Variants in MSRB3 observed in about 807,000 individuals in gnomAD.
The protein encoded by MSRB3 is methionine sulfoxide reductase B3, also known as methionine-R-sulfoxide reductase B3.
A neutral mutation model predicts 21.0 loss-of-function variants in MSRB3; 13 were observed. The observed-to-expected ratio is 0.62, with a 90% confidence interval of 0.40 to 0.98. MSRB3 has a LOEUF of 0.98. Among genes scored for constraint, MSRB3 ranks in the 50% least tolerant of loss-of-function variants. The probability of loss-of-function intolerance (pLI) is 0.00; values close to 1 mark genes in which losing one functional copy is unlikely to be tolerated. For synonymous variants in MSRB3, 87 were observed against 88.6 expected (o/e 0.98, Z 0.10); for missense variants, 199 against 230.3 (o/e 0.86, Z 0.88).
At position 65,319,595 on chromosome 12, in the gene MSRB3, T is replaced by C. The variant is rs1302886286; in HGVS notation, c.77-7231T>C. On this transcript the variant is annotated intron_variant, in intron 2 of 6. Coordinates refer to ENST00000308259, the MANE Select transcript of MSRB3 (RefSeq NM_001031679.3). ...TTTTCTTATCTTTCCTGCTAAAATA[T>C]GTGTTCTCCTAGAGCAGGAACACTA... Among the ~76,000 whole-genome samples, 3 of 152,318 alleles carry C rather than the reference T, an allele frequency of 2.0e-5. No individual in the cohort carries two copies. The East Asian group carries it at 5.8e-4, about 29-fold the overall frequency.
intron 4 of MSRB3, among the ~76,000 whole-genome samples, chr12:65,367,766 G>A (rs140354036): frequency 1.5e-4 from 23 of 152,304 alleles, no homozygotes; most frequent in Middle Eastern, 3.4e-3. Flanking sequence ...CAAAGGTTGA[G>A]ATGAGGACTA....
intron 4 of MSRB3, among the ~76,000 whole-genome samples, chr12:65,364,462 A>T (rs1877891108): frequency 6.6e-6 from 1 of 152,178 alleles, no homozygotes; most frequent in South Asian, 2.1e-4. Context: ...AATTTGGGGT[A>T]AAATGGGTGT....
intron 5 of MSRB3, among the ~76,000 whole-genome samples, chr12:65,450,911 T>C (rs1882827736): frequency 6.6e-6 from 1 of 152,254 alleles, no homozygotes; most frequent in Non-Finnish European, 1.5e-5. Flanking sequence ...CTGTGGCTTC[T>C]CTGCCATAAG....
intron 5 of MSRB3, among the ~76,000 whole-genome samples, chr12:65,373,997 A>T (rs2136543233): frequency 2.6e-5 from 4 of 152,320 alleles, no homozygotes; most frequent in Middle Eastern, 6.8e-3. Context: ...AGTTGAAGGG[A>T]AATGAGGAAT....
chr12:65,447,061 T>A (rs573516503), intron 5 of MSRB3, among the ~76,000 whole-genome samples: 110 of 152,336 alleles, frequency 7.2e-4, no homozygotes, highest in African/African-American at 2.5e-3. Context: ...GGTGTTGATA[T>A]TCCAGAGTAA....
chr12:65,456,049 T>A (rs1883076661), intron 6 of MSRB3, among the ~76,000 whole-genome samples: 1 of 152,236 alleles, frequency 6.6e-6, no homozygotes, highest in Non-Finnish European at 1.5e-5. Flanking sequence ...CAATTTAGTT[T>A]TAAATTCAAT....
chr12:65,368,255 T>C (rs939873137), intron 4 of MSRB3, among the ~76,000 whole-genome samples: 3 of 152,206 alleles, frequency 2.0e-5, no homozygotes, highest in Non-Finnish European at 4.4e-5. Context: ...TGTGAACATA[T>C]ATACTATTGA....
chr12:65,351,941 G>C (rs1282583534), intron 4 of MSRB3, among the ~76,000 whole-genome samples: 3 of 152,098 alleles, frequency 2.0e-5, no homozygotes, highest in African/African-American at 7.2e-5. Context: ...GAAAAAGAGG[G>C]AATCGTCCCT....
intron 5 of MSRB3, among the ~76,000 whole-genome samples, chr12:65,431,542 T>C (rs1327576554): frequency 1.3e-5 from 2 of 152,052 alleles, no homozygotes; most frequent in Non-Finnish European, 1.5e-5. Flanking sequence ...TACTGGACCA[T>C]GTAGCTATCG....
chr12:65,287,863 G>A (rs1872464635), intron 1 of MSRB3, among the ~76,000 whole-genome samples: 1 of 152,166 alleles, frequency 6.6e-6, no homozygotes, highest in Admixed American at 6.5e-5. Flanking sequence ...GGGAGTCAGT[G>A]TAGTATTATG....
chr12:65,326,671 A>G (rs745488962), intron 2 of MSRB3, among the ~76,000 whole-genome samples, 155 bp from the exon 3 acceptor site: 14 of 152,204 alleles, frequency 9.2e-5, no homozygotes, highest in Admixed American at 2.0e-4. Flanking sequence ...TAGAGAAATA[A>G]TCAGCTGCAG....
intron 5 of MSRB3, among the ~76,000 whole-genome samples, chr12:65,445,006 T>C (rs1882549067): frequency 6.6e-6 from 1 of 152,224 alleles, no homozygotes; most frequent in Non-Finnish European, 1.5e-5. Flanking sequence ...ATCTTGAGCT[T>C]GGCTCTCATT....
chr12:65,459,838 AT>A (rs1438740334), intron 6 of MSRB3, among the ~76,000 whole-genome samples: 7 of 152,206 alleles, frequency 4.6e-5, no homozygotes, highest in Non-Finnish European at 7.3e-5. Flanking sequence ...CTGCAGTCAG[AT>A]TTTAAGGAAT....
At chr12:65,297,035 A>G (rs1181443993) in intron 1 of MSRB3, among the ~76,000 whole-genome samples, 1 of 152,252 alleles carries the variant, frequency 6.6e-6, no homozygotes, top group African/African-American at 2.4e-5. Flanking sequence ...AATACTATGC[A>G]GCCATAAAAA....
intron 4 of MSRB3, among the ~76,000 whole-genome samples, chr12:65,331,834 T>G (rs1875443087): frequency 6.6e-6 from 1 of 152,182 alleles, no homozygotes; most frequent in Admixed American, 6.5e-5. Context: ...TCCAGTCACA[T>G]AACAGGAGCC....
chr12:65,305,480 G>A (rs1023852872), intron 1 of MSRB3, among the ~76,000 whole-genome samples: 6 of 152,274 alleles, frequency 3.9e-5, no homozygotes, highest in South Asian at 4.1e-4. Context: ...TGCCAGTTGT[G>A]TAGTGGTCAA....
intron 5 of MSRB3, among the ~76,000 whole-genome samples, chr12:65,432,861 C>A (rs536605015): frequency 1.8e-4 from 27 of 151,998 alleles, no homozygotes; most frequent in Non-Finnish European, 2.8e-4. Flanking sequence ...AAATATTGTA[C>A]CTCTAATCCT....
At chr12:65,413,970 T>C (rs1880845580) in intron 5 of MSRB3, among the ~76,000 whole-genome samples, 1 of 152,156 alleles carries the variant, frequency 6.6e-6, no homozygotes, top group South Asian at 2.1e-4. Context: ...GATAAATGTA[T>C]ACCTGGTTTT....
At chr12:65,384,916 G>A (rs537669501) in intron 5 of MSRB3, among the ~76,000 whole-genome samples, 76 of 152,232 alleles carry the variant, frequency 5.0e-4, no homozygotes, top group African/African-American at 1.8e-3. Flanking sequence ...TGTTTTCTAA[G>A]TGCATAAATA....
Sources: gnomAD v4.1 joint callset for allele counts (sites outside exome capture counted in the v4.1 genomes callset) on GRCh38, gnomAD v4.1.1 for gene constraint, MANE v1.5 for transcripts, NCBI Gene and HGNC (gene_info 2026-07-23, HGNC 2026-07-21) for gene names.